CHN2: variants seen among roughly 807,000 people sequenced by gnomAD.
CHN2 encodes the protein chimerin 2.
Under a neutral mutation model 56.3 loss-of-function variants are expected in CHN2, and 35 were observed. That is an observed-to-expected ratio of 0.62 (90% CI 0.47 to 0.82). CHN2 has a LOEUF of 0.82. CHN2 is among the 40% of genes least tolerant of loss of function. The pLI, the probability that CHN2 is intolerant of heterozygous loss-of-function variation, is 0.00. For missense variants in CHN2, 491 were observed against 580.5 expected, an observed-to-expected ratio of 0.85 and a Z score of 1.58; for synonymous variants, 210 against 212.8, an observed-to-expected ratio of 0.99 and a Z score of 0.12.
At chr7:29,238,716 T>A (rs1255678351) in intron 1 of CHN2, among the ~76,000 whole-genome samples, 1 of 152,208 alleles carries the variant, frequency 6.6e-6, no homozygotes, top group Admixed American at 6.5e-5. Context: ...AGGGAGGGCC[T>A]TCCCAAGGTG....
At chr7:29,350,141 A>T (rs1258302192) in intron 1 of CHN2, among the ~76,000 whole-genome samples, 2 of 152,198 alleles carry the variant, frequency 1.3e-5, no homozygotes, top group African/African-American at 4.8e-5. Flanking sequence ...CCTGGCAAGG[A>T]TGAATGATGT....
At chr7:29,165,271 C>G (rs1407669662) in intron 2 of CHN2, among the ~76,000 whole-genome samples, 3 of 152,084 alleles carry the variant, frequency 2.0e-5, no homozygotes, top group Non-Finnish European at 4.4e-5. Flanking sequence ...CAAACCAATA[C>G]TTAAGTTCAT....
chr7:29,299,143 T>C (rs1793437355), intron 1 of CHN2, among the ~76,000 whole-genome samples: 1 of 152,132 alleles, frequency 6.6e-6, no homozygotes, highest in South Asian at 2.1e-4. Context: ...GAGGCCAGGC[T>C]CCCCACCACT....
chr7:29,212,698 C>A, intron 1 of CHN2: 4 of 1,563,740 alleles, frequency 2.6e-6, no homozygotes, highest in Non-Finnish European at 3.5e-6. Context: ...ATATCTGGAA[C>A]CTCAGCTACA....
chr7:29,442,934 CT>C lies in CHN2; in HGVS notation c.577-37328del, dbSNP rs541792526. On this transcript the variant is annotated intron_variant, in intron 6 of 12. Coordinates refer to ENST00000222792, the MANE Select transcript of CHN2 (RefSeq NM_004067.4). Reference sequence around the variant, plus strand: ...CATCGCTTTCAATTTCATTGAATTTCTTTTTTTTTTTTTTTTTGAGACGGAG... The same window carrying C: ...CATCGCTTTCAATTTCATTGAATTTCTTTTTTTTTTTTTTTTGAGACGGAG... Among the ~76,000 whole-genome samples, 364 of 103,054 alleles carry C rather than the reference CT, an allele frequency of 3.5e-3. 16 individuals are homozygous for C. The highest frequency in any genetic ancestry group is 0.013 in the African/African-American group (265 of 21,036). The allele number at this position is 103,054 out of a possible 152,430, so 67.6% of individuals were successfully genotyped here.
chr7:29,358,715 C>T (rs937940574), intron 2 of CHN2, among the ~76,000 whole-genome samples: 6 of 152,122 alleles, frequency 3.9e-5, no homozygotes, highest in South Asian at 2.1e-4. Context: ...CTGCCCGCCT[C>T]GGCCTCCCAA....
At chr7:29,295,563 G>A (rs1270992476) in intron 1 of CHN2, among the ~76,000 whole-genome samples, 1 of 150,498 alleles carries the variant, frequency 6.6e-6, no homozygotes, top group Non-Finnish European at 1.5e-5. Flanking sequence ...AGGAGTTCAA[G>A]CCCACCCATC....
intron 11 of CHN2, 113 bp downstream of exon 11, chr7:29,507,478 T>A: frequency 1.2e-6 from 1 of 817,378 alleles, no homozygotes; most frequent in Non-Finnish European, 1.9e-6. Context: ...GTGCCTGTCT[T>A]GTCAAGTGAG....
intron 1 of CHN2, among the ~76,000 whole-genome samples, chr7:29,290,398 C>G (rs80202529): frequency 0.023 from 3,505 of 152,238 alleles, 148 homozygotes; most frequent in African/African-American, 0.081. Context: ...GTTCCCATTT[C>G]TTTCCATTTG....
At chr7:29,160,765 G>A (rs766753793) in intron 2 of CHN2, among the ~76,000 whole-genome samples, 10 of 152,140 alleles carry the variant, frequency 6.6e-5, no homozygotes, top group Non-Finnish European at 1.2e-4. Context: ...AAGAGCCTGG[G>A]CTCTTAATGA....
At chr7:29,400,863 T>C in intron 6 of CHN2, 35 bp downstream of exon 6, 1 of 1,601,872 alleles carries the variant, frequency 6.2e-7, no homozygotes, top group Admixed American at 1.7e-5. Context: ...CCTTTCGTTT[T>C]AATCCATGCC....
chr7:29,220,298 G>GAGAGAGAC (rs1785690875), intron 1 of CHN2, among the ~76,000 whole-genome samples: 1 of 149,698 alleles, frequency 6.7e-6, no homozygotes, highest in African/African-American at 2.5e-5. Flanking sequence ...GAGAGAGAGA[G>GAGAGAGAC]AGAAAGCCAA....
chr7:29,212,513 C>T (rs1356935096), intron 1 of CHN2: 12 of 1,563,578 alleles, frequency 7.7e-6, no homozygotes, highest in Non-Finnish European at 9.7e-6. Flanking sequence ...TTCCACCAGT[C>T]CCAAAGGCAA....
At chr7:29,314,015 T>C (rs1242440747) in intron 1 of CHN2, among the ~76,000 whole-genome samples, 2 of 152,152 alleles carry the variant, frequency 1.3e-5, no homozygotes, top group African/African-American at 4.8e-5. Flanking sequence ...ATGTTGATAT[T>C]AGCATGGGAC....
intron 1 of CHN2, among the ~76,000 whole-genome samples, chr7:29,209,624 A>G (rs1784771115): frequency 6.6e-6 from 1 of 152,184 alleles, no homozygotes; most frequent in Non-Finnish European, 1.5e-5. Context: ...AGGCTTTAAC[A>G]TCCCTGCGCC....
chr7:29,372,997 T>A (rs766854940), intron 3 of CHN2, among the ~76,000 whole-genome samples: 2 of 152,258 alleles, frequency 1.3e-5, no homozygotes, highest in Admixed American at 1.3e-4. Context: ...AATGGCATAC[T>A]ATTATTTCAA....
At chr7:29,291,758 A>G (rs1792649908) in intron 1 of CHN2, among the ~76,000 whole-genome samples, 1 of 152,104 alleles carries the variant, frequency 6.6e-6, no homozygotes, top group African/African-American at 2.4e-5. Flanking sequence ...ATTAAATCCT[A>G]GAAGTTGAAT....
chr7:29,285,267 G>C (rs1284523738), intron 1 of CHN2, among the ~76,000 whole-genome samples: 1 of 152,204 alleles, frequency 6.6e-6, no homozygotes, highest in Non-Finnish European at 1.5e-5. Flanking sequence ...AGTCATAGGT[G>C]ATACACAGAG....
At chr7:29,507,898 T>G (rs561679038) in intron 11 of CHN2, among the ~76,000 whole-genome samples, 31 of 152,228 alleles carry the variant, frequency 2.0e-4, no homozygotes, top group Non-Finnish European at 2.9e-4. Flanking sequence ...CCTGGGCATG[T>G]GCGGCCCATA....
Sources: allele counts gnomAD v4.1 joint callset (sites outside exome capture counted in the v4.1 genomes callset), GRCh38; gene constraint gnomAD v4.1.1; transcripts MANE v1.5; gene names NCBI Gene and HGNC (gene_info 2026-07-23, HGNC 2026-07-21).